The following ARHGEF4 variants were observed in gnomAD, a reference collection of about 807,000 sequenced individuals.
ARHGEF4 encodes the protein APC-stimulated guanine nucleotide exchange factor 1.
In ARHGEF4, 119 loss-of-function variants were observed where a neutral mutation model predicts 162.0. The ratio of observed to expected loss-of-function variants is 0.73; its 90% CI spans 0.63 to 0.86. The LOEUF is 0.86. Among genes scored for constraint, ARHGEF4 ranks in the 40% least tolerant of loss-of-function variants. The probability of loss-of-function intolerance (pLI) is 0.00; values close to 1 mark genes in which losing one functional copy is unlikely to be tolerated. For missense variants in ARHGEF4, 2,488 were observed against 2,456.0 expected, an observed-to-expected ratio of 1.01 and a Z score of -0.28; for synonymous variants, 1,014 against 979.9, an observed-to-expected ratio of 1.03 and a Z score of -0.65.
intron 1 of ARHGEF4, among the ~76,000 whole-genome samples, chr2:130,854,697 G>GACCAGGGACTGCCAGGCA (rs1426995609): frequency 6.6e-6 from 1 of 152,152 alleles, no homozygotes; most frequent in Non-Finnish European, 1.5e-5. Flanking sequence ...GAGACAGGAA[G>GACCAGGGACTGCCAGGCA]ACCAGGGACT....
intron 4 of ARHGEF4, among the ~76,000 whole-genome samples, chr2:130,954,520 C>T (rs1043358613): frequency 6.6e-6 from 1 of 152,144 alleles, no homozygotes; most frequent in Non-Finnish European, 1.5e-5. Flanking sequence ...GCACGTTGTG[C>T]ACATGTACCT....
At position 131,041,406 on chromosome 2, in the gene ARHGEF4, C is replaced by T; in HGVS notation, c.4839C>T (p.Ile1613=). The stretch of plus-strand genomic sequence containing the variant: ...TCCTGCTGACTCCGGTGCAGAAGAT[C>T]TGCAAGTACCCTCTGCAGCTGGCCG... ...DGFLLTPVQK[I]CKYPLQLAEL... is the part of the protein sequence containing the mutation. Residue 1613 remains isoleucine (I), a synonymous_variant, in exon 9 of 14, where the codon ATC becomes ATT. Coordinates refer to ENST00000409359, the MANE Select transcript of ARHGEF4 (RefSeq NM_001367493.1). The T allele has an allele frequency of 6.2e-7, 1 of 1,613,360 alleles. No homozygotes were observed. The highest frequency in any genetic ancestry group is 8.5e-7 in the Non-Finnish European group (1 of 1,180,032).
At chr2:130,840,993 C>G (rs546131007) in intron 1 of ARHGEF4, among the ~76,000 whole-genome samples, 1 of 152,346 alleles carries the variant, frequency 6.6e-6, no homozygotes, top group East Asian at 1.9e-4. Context: ...ATTGGTTGAA[C>G]ACCTACTATG....
Position 130,946,543 on chromosome 2 carries a change from C to A in ARHGEF4, c.3893C>A (p.Ser1298Tyr). Residue 1298 changes from serine (S) to tyrosine (Y), a missense_variant, in exon 4 of 14, where the codon TCT (serine) becomes TAT (tyrosine). This residue lies in a region of ARHGEF4 where 1,642 missense variants were observed against 1,481.5 expected (regional missense o/e 1.11). Coordinates refer to ENST00000409359, the MANE Select transcript of ARHGEF4 (RefSeq NM_001367493.1). ...AAGACGATCATTACCTCTCCAGAGT[C>A]TTTGAATCTCCCTAGAAGAAGCCAT... ...WRKTIITSPESLNLPRRSHPL... is the reference protein window; with the variant it reads ...WRKTIITSPEYLNLPRRSHPL... 1 of 1,614,038 alleles carries A rather than the reference C, an allele frequency of 6.2e-7. No individual in the cohort carries two copies. Among genetic ancestry groups the A allele is most frequent in the South Asian group, 1.1e-5 (1 of 91,064 alleles).
intron 4 of ARHGEF4, among the ~76,000 whole-genome samples, chr2:130,963,033 A>G (rs1373088528): frequency 6.6e-6 from 1 of 152,162 alleles, no homozygotes; most frequent in Non-Finnish European, 1.5e-5. Flanking sequence ...GGCAGATGAA[A>G]TAGTAATGCC....
chr2:130,843,330 G>A (rs1292982184), intron 1 of ARHGEF4, among the ~76,000 whole-genome samples: 6 of 152,178 alleles, frequency 3.9e-5, no homozygotes, highest in Admixed American at 2.0e-4. Flanking sequence ...GGTGAAGGTC[G>A]CAGCAGGAAC....
At chr2:130,850,715 G>T (rs1004034579) in intron 1 of ARHGEF4, among the ~76,000 whole-genome samples, 1 of 152,366 alleles carries the variant, frequency 6.6e-6, no homozygotes, top group Admixed American at 6.5e-5. Context: ...ATGCCCTCGT[G>T]ATGGGGCCTC....
chr2:130,988,976 T>C (rs1478603033), intron 4 of ARHGEF4, among the ~76,000 whole-genome samples: 13 of 151,952 alleles, frequency 8.6e-5, no homozygotes, highest in Non-Finnish European at 1.8e-4. Flanking sequence ...TTTCTTTTTT[T>C]TTGAGATGGA....
intron 4 of ARHGEF4, among the ~76,000 whole-genome samples, chr2:130,991,553 C>T (rs1686974594): frequency 6.6e-6 from 1 of 152,234 alleles, no homozygotes; most frequent in Non-Finnish European, 1.5e-5. Context: ...CCGGCCGGCC[C>T]TGCCGGCCCC....
chr2:130,855,166 C>A (rs941524146), intron 1 of ARHGEF4, among the ~76,000 whole-genome samples: 1 of 151,982 alleles, frequency 6.6e-6, no homozygotes, highest in South Asian at 2.1e-4. Flanking sequence ...TGAGCTACCG[C>A]GCCCGGCCGG....
At chr2:131,026,869 AATTCACACCAGGGGTGGTGATTT>A (rs1689509474) in intron 4 of ARHGEF4, among the ~76,000 whole-genome samples, 1 of 152,232 alleles carries the variant, frequency 6.6e-6, no homozygotes, top group Admixed American at 6.5e-5. Context: ...CAGCAGTGTG[AATTCACACCAGGGGTGGTGATTT>A]TCCCCAACTG....
chr2:131,028,130 A>G, intron 5 of ARHGEF4, 46 bp downstream of exon 5: 1 of 1,606,396 alleles, frequency 6.2e-7, no homozygotes, highest in Non-Finnish European at 8.5e-7. Context: ...GGCTGGGGCT[A>G]CAGGCTAGAT....
At chr2:130,985,769 G>A (rs542599687) in intron 4 of ARHGEF4, among the ~76,000 whole-genome samples, 24 of 151,932 alleles carry the variant, frequency 1.6e-4, no homozygotes, top group Non-Finnish European at 2.1e-4. Flanking sequence ...TGTGTGTTTT[G>A]CATGCATGAT....
intron 1 of ARHGEF4, among the ~76,000 whole-genome samples, chr2:130,882,521 C>T (rs1679257504): frequency 6.6e-6 from 1 of 151,922 alleles, no homozygotes; most frequent in African/African-American, 2.4e-5. Context: ...AGGGCGACAC[C>T]CTCATGACCT....
intron 1 of ARHGEF4, among the ~76,000 whole-genome samples, chr2:130,883,467 C>T (rs988659583): frequency 6.6e-6 from 1 of 152,112 alleles, no homozygotes; most frequent in African/African-American, 2.4e-5. Context: ...AAAAACAGAT[C>T]GACTTCTCAG....
intron 13 of ARHGEF4, 193 bp downstream of exon 13, chr2:131,045,639 C>T (rs1691191346): frequency 6.6e-7 from 1 of 1,522,258 alleles, no homozygotes; most frequent in Non-Finnish European, 8.8e-7. Context: ...ATATGGTTGA[C>T]ATTCTTACTC....
In ARHGEF4 at chr2:130,916,732, A is replaced by C. The variant is rs1681522194; in HGVS notation, c.2786A>C (p.Asn929Thr). ...GAGTCAATAGTTCTAGAGAAAGAGA[A>C]CACCCATGAACGTTCCCCAAGTTCT... ...FIESIVLEKE[N>T]THERSPSSPK... Residue 929 changes from asparagine to threonine, a missense_variant, in exon 2 of 14, where the codon AAC becomes ACC. By Grantham distance (65) the Asn-to-Thr change is moderately conservative. Coordinates refer to ENST00000409359, the MANE Select transcript of ARHGEF4 (RefSeq NM_001367493.1). The C allele has an allele frequency of 6.4e-7, 1 of 1,550,538 alleles. No homozygotes were observed. Among genetic ancestry groups the C allele is most frequent in the South Asian group, 1.2e-5 (1 of 84,056 alleles).
intron 3 of ARHGEF4, among the ~76,000 whole-genome samples, chr2:130,940,723 C>T (rs1043693269): frequency 3.4e-5 from 5 of 147,240 alleles, no homozygotes; most frequent in African/African-American, 1.3e-4. Context: ...CCCAGCTACT[C>T]GGAGAGGCTG....
At chr2:130,898,595 GAGAA>G (rs1553509330) in intron 1 of ARHGEF4, among the ~76,000 whole-genome samples, 5 of 152,186 alleles carry the variant, frequency 3.3e-5, no homozygotes, top group Non-Finnish European at 4.4e-5. Flanking sequence ...GAGGATGAGA[GAGAA>G]AGGAAGGCCT....
Sources: gnomAD v4.1 joint callset for allele counts (sites outside exome capture counted in the v4.1 genomes callset) on GRCh38, gnomAD v4.1.1 for gene constraint, gnomAD v4.1.1 regional missense constraint, MANE v1.5 for transcripts, NCBI Gene and HGNC (gene_info 2026-07-23, HGNC 2026-07-21) for gene names.